Variants in SGTB observed in about 807,000 individuals in gnomAD.
The protein encoded by SGTB is small glutamine rich tetratricopeptide repeat co-chaperone beta.
Under a neutral mutation model 43.9 loss-of-function variants are expected in SGTB, and 19 were observed. The ratio of observed to expected loss-of-function variants is 0.43; its 90% confidence interval spans 0.30 to 0.63. SGTB has a LOEUF of 0.63. Ranked by LOEUF, SGTB falls within the 30% of genes least tolerant of loss-of-function variation. The pLI is 0.12. For missense variants in SGTB, 304 were observed against 358.9 expected, an observed-to-expected ratio of 0.85 and a Z score of 1.24; for synonymous variants, 116 against 117.3, an observed-to-expected ratio of 0.99 and a Z score of 0.07.
intron 8 of SGTB, among the ~76,000 whole-genome samples, chr5:65,675,771 C>G (rs2150703773): frequency 6.6e-6 from 1 of 152,260 alleles, no homozygotes; most frequent in Non-Finnish European, 1.5e-5. Flanking sequence ...GAAATAAGAT[C>G]CTTTTCAGAC....
intron 8 of SGTB, among the ~76,000 whole-genome samples, chr5:65,678,968 C>T (rs1757336543): frequency 6.6e-6 from 1 of 152,008 alleles, no homozygotes; most frequent in African/African-American, 2.4e-5. Context: ...AAAGCAATTG[C>T]AACAAAAGAA....
At position 65,667,499 on chromosome 5, in the gene SGTB, T is replaced by C. The variant is rs575626506; in HGVS notation, c.*2747A>G. On this transcript the variant is annotated 3_prime_UTR_variant, in exon 11 of 11. Transcript: ENST00000381007. ...TTCGTTCTGTGTAATACTGGAATAC[T>C]AGGAGTTCATTCTAACTTAATGAAA... 2.0e-5 allele frequency: 3 copies of C among 152,232 alleles called. No homozygotes were observed. The highest frequency in any genetic ancestry group is 2.1e-4 in the South Asian group (1 of 4,836). 9.4% of individuals were successfully genotyped at this position (152,232 alleles called of 1,614,324 possible).
At chr5:65,679,409 G>C (rs1305559728) in intron 8 of SGTB, among the ~76,000 whole-genome samples, 1 of 152,086 alleles carries the variant, frequency 6.6e-6, no homozygotes, top group Non-Finnish European at 1.5e-5. Context: ...GATCACCAGA[G>C]GTCATTTGAC....
At chr5:65,706,707 C>T (rs544090999) in intron 4 of SGTB, among the ~76,000 whole-genome samples, 2 of 151,932 alleles carry the variant, frequency 1.3e-5, no homozygotes, top group Non-Finnish European at 2.9e-5. Context: ...TGGCACATGC[C>T]TGTAGTCCCA....
At chr5:65,676,369 T>C (rs1757265478) in intron 8 of SGTB, among the ~76,000 whole-genome samples, 1 of 151,710 alleles carries the variant, frequency 6.6e-6, no homozygotes, top group Non-Finnish European at 1.5e-5. Flanking sequence ...AAGGGTTCAA[T>C]TCAACAAGAA....
intron 3 of SGTB, among the ~76,000 whole-genome samples, chr5:65,711,908 G>A (rs1267270945): frequency 2.0e-5 from 3 of 152,070 alleles, no homozygotes; most frequent in South Asian, 2.1e-4. Context: ...GCTCAAGTAC[G>A]GAGTTAGAAA....
intron 5 of SGTB, among the ~76,000 whole-genome samples, chr5:65,704,035 C>CAAAAAAAA (rs11405488): frequency 1.8e-4 from 24 of 133,386 alleles, no homozygotes; most frequent in East Asian, 4.9e-4. Context: ...GACTCCGTCT[C>CAAAAAAAA]AAAAAAAAAA....
intron 2 of SGTB, 53 bp downstream of exon 2, chr5:65,720,650 CTATTT>C (rs1223848938): frequency 5.7e-6 from 9 of 1,566,922 alleles, no homozygotes; most frequent in Non-Finnish European, 7.8e-6. Context: ...GGGCTTACAG[CTATTT>C]TAGTCTTCGT....
intron 5 of SGTB, among the ~76,000 whole-genome samples, chr5:65,685,680 C>T (rs1757484041): frequency 6.6e-6 from 1 of 152,054 alleles, no homozygotes; most frequent in Admixed American, 6.6e-5. Flanking sequence ...TGCAGGCTGC[C>T]TTTCACTGTT....
At chr5:65,679,148 GA>G (rs1406145548) in intron 8 of SGTB, among the ~76,000 whole-genome samples, 2 of 151,640 alleles carry the variant, frequency 1.3e-5, no homozygotes, top group African/African-American at 4.9e-5. Flanking sequence ...AAATTTACAA[GA>G]AAAAAACAAC....
chr5:65,672,879 A>G (rs1435340401), intron 8 of SGTB, among the ~76,000 whole-genome samples: 3 of 152,208 alleles, frequency 2.0e-5, no homozygotes, highest in Non-Finnish European at 4.4e-5. Context: ...GGGAAAAGCC[A>G]CCACTTGCTT....
At chr5:65,721,743 G>A (rs1211567001) in intron 1 of SGTB, among the ~76,000 whole-genome samples, 174 bp downstream of exon 1, 1 of 152,164 alleles carries the variant, frequency 6.6e-6, no homozygotes, top group Non-Finnish European at 1.5e-5. Context: ...GTGAGAAGAG[G>A]GAAATAGGCT....
At chr5:65,695,903 G>A (rs1757705999) in intron 5 of SGTB, among the ~76,000 whole-genome samples, 2 of 152,144 alleles carry the variant, frequency 1.3e-5, no homozygotes, top group South Asian at 4.1e-4. Flanking sequence ...GGAAACTGAG[G>A]CTTAAAAAGA....
At chr5:65,715,088 T>C (rs1240041434) in intron 2 of SGTB, among the ~76,000 whole-genome samples, 1 of 152,206 alleles carries the variant, frequency 6.6e-6, no homozygotes, top group African/African-American at 2.4e-5. Flanking sequence ...GCCTGTCTCG[T>C]TATCCTTATT....
Position 65,720,776 on chromosome 5 carries a change from A to G in SGTB, c.32T>C (p.Val11Ala), listed in dbSNP as rs1758256371. 6.2e-7 allele frequency: 1 copy of G among 1,613,952 alleles called. No individual in the cohort carries two copies. The highest frequency in any genetic ancestry group is 8.5e-7 in the Non-Finnish European group (1 of 1,179,954). MSSIKHLVYA[V>A]IRFLREQSQM... ...ACTTTGTTCCCGTAAGAAACGAATA[A>G]CTGCATAAACCAGGTGCTTGATAGA... is the stretch of plus-strand genomic sequence containing the variant. Residue 11 changes from valine to alanine, a missense_variant, in exon 2 of 11, where the codon GTT becomes GCT. Val to Ala is a moderately conservative substitution (Grantham distance 64). Coordinates refer to ENST00000381007, the MANE Select transcript of SGTB (RefSeq NM_019072.3).
intron 5 of SGTB, among the ~76,000 whole-genome samples, chr5:65,687,791 C>T (rs977369644): frequency 1.1e-4 from 16 of 152,148 alleles, no homozygotes; most frequent in African/African-American, 3.4e-4. Flanking sequence ...GTTTTTGAGA[C>T]GGAGTCTTGC....
chr5:65,709,882 G>T (rs759513916), intron 3 of SGTB, among the ~76,000 whole-genome samples: 3 of 152,150 alleles, frequency 2.0e-5, no homozygotes, highest in Non-Finnish European at 2.9e-5. Flanking sequence ...TTATAGGCAT[G>T]AGCCACCATG....
At chr5:65,670,439 G>A in intron 10 of SGTB, 82 bp from the exon 11 acceptor site, 1 of 1,181,864 alleles carries the variant, frequency 8.5e-7, no homozygotes, top group Non-Finnish European at 1.2e-6. Flanking sequence ...GAAAATGTAG[G>A]AGCTACCTAA....
At chr5:65,686,163 G>C (rs1757494498) in intron 5 of SGTB, among the ~76,000 whole-genome samples, 1 of 152,208 alleles carries the variant, frequency 6.6e-6, no homozygotes, top group Non-Finnish European at 1.5e-5. Context: ...AAGTCAAAGT[G>C]GGGTGCCAGC....
Sources: allele counts gnomAD v4.1 joint callset (sites outside exome capture counted in the v4.1 genomes callset), GRCh38; gene constraint gnomAD v4.1.1; transcripts MANE v1.5; gene names NCBI Gene and HGNC (gene_info 2026-07-23, HGNC 2026-07-21).